Variants in ATP5F1C observed in about 807,000 individuals in gnomAD.
ATP5F1C encodes the protein ATP synthase F(1) complex subunit gamma, mitochondrial.
ATP5F1C carries 22 observed loss-of-function variants against 37.4 expected under a neutral mutation model. The observed-to-expected ratio is 0.59, with a 90% CI of 0.42 to 0.84. The LOEUF (loss-of-function observed/expected upper bound fraction) is 0.84. Among genes scored for constraint, ATP5F1C ranks in the 40% least tolerant of loss-of-function variants. The pLI is 0.00. For missense variants in ATP5F1C, 286 were observed against 362.4 expected (o/e 0.79, Z 1.71); for synonymous variants, 121 against 128.0 (o/e 0.95, Z 0.37).
intron 7 of ATP5F1C, 57 bp from the exon 8 acceptor site, chr10:7,802,701 C>T (rs1401168486): frequency 1.3e-6 from 2 of 1,525,528 alleles, no homozygotes; most frequent in African/African-American, 2.8e-5. Context: ...AGTTAGTTAA[C>T]AAGTTATTCT....
intron 6 of ATP5F1C, among the ~76,000 whole-genome samples, chr10:7,801,036 G>A (rs1375198509): frequency 2.7e-5 from 4 of 147,124 alleles, no homozygotes; most frequent in African/African-American, 1.0e-4. Flanking sequence ...GTTGAACAGT[G>A]TTCACAGCTA....
At position 7,800,517 on chromosome 10, in the gene ATP5F1C, C is replaced by T. The variant is rs1221049012; in HGVS notation, c.637+426C>T. Among the ~76,000 whole-genome samples, 15 of 131,962 alleles carry T rather than the reference C, an allele frequency of 1.1e-4. 1 individual carries two copies. The highest frequency in any genetic ancestry group is 7.3e-4 in the South Asian group (3 of 4,112). 86.6% of individuals were successfully genotyped at this position (131,962 alleles called of 152,430 possible). ...TTTTTTTATTTTTTATTTTTTGAGA[C>T]GGAGTCTCACTGTGTCACCCAGGCT... On this transcript the variant is annotated intron_variant, in intron 6 of 9. Transcript: ENST00000356708.
intron 1 of ATP5F1C, among the ~76,000 whole-genome samples, chr10:7,792,974 CTCA>C (rs1836185246): frequency 6.6e-6 from 1 of 152,216 alleles, no homozygotes; most frequent in Admixed American, 6.5e-5. Context: ...GCTCCACATC[CTCA>C]TCATCATTTG....
chr10:7,798,726 T>A (rs1353094699), intron 3 of ATP5F1C, among the ~76,000 whole-genome samples: 5 of 151,884 alleles, frequency 3.3e-5, no homozygotes, highest in Admixed American at 3.3e-4. Flanking sequence ...AGACGGGATT[T>A]CACTACGTTG....
intron 7 of ATP5F1C, 40 bp from the exon 8 acceptor site, chr10:7,802,718 G>A: frequency 6.3e-7 from 1 of 1,583,784 alleles, no homozygotes; most frequent in Non-Finnish European, 8.6e-7. Context: ...TTCTACTCTA[G>A]TTTCAGATTT....
chr10:7,791,028 G>A (rs1486586266), intron 1 of ATP5F1C, among the ~76,000 whole-genome samples: 10 of 152,188 alleles, frequency 6.6e-5, no homozygotes, highest in African/African-American at 2.4e-4. Context: ...CGGGCTAGGC[G>A]CAGTGGCTCA....
intron 8 of ATP5F1C, among the ~76,000 whole-genome samples, chr10:7,803,770 A>G (rs1028091348): frequency 1.3e-5 from 2 of 152,252 alleles, no homozygotes; most frequent in Non-Finnish European, 2.9e-5. Context: ...TTCTAATAGG[A>G]TAAGAAACAT....
At chr10:7,794,530 T>C (rs1836208788) in intron 1 of ATP5F1C, among the ~76,000 whole-genome samples, 1 of 151,678 alleles carries the variant, frequency 6.6e-6, no homozygotes, top group South Asian at 2.1e-4. Context: ...GTTGAGGAAG[T>C]TCTCTATTCC....
intron 1 of ATP5F1C, among the ~76,000 whole-genome samples, chr10:7,792,378 C>G (rs1410757307): frequency 6.6e-6 from 1 of 152,036 alleles, no homozygotes; most frequent in Non-Finnish European, 1.5e-5. Flanking sequence ...GGAGTGAGAC[C>G]CTGTCTTCAA....
intron 8 of ATP5F1C, among the ~76,000 whole-genome samples, chr10:7,806,026 C>T (rs1836473829): frequency 6.6e-6 from 1 of 152,106 alleles, no homozygotes; most frequent in Non-Finnish European, 1.5e-5. Flanking sequence ...TTTTAGGCTG[C>T]GGTGAGCTAT....
At chr10:7,800,876 A>G (rs1393619901) in intron 6 of ATP5F1C, among the ~76,000 whole-genome samples, 1 of 152,190 alleles carries the variant, frequency 6.6e-6, no homozygotes, top group African/African-American at 2.4e-5. Context: ...CTCCTGCTCT[A>G]TTCTGTCATT....
At chr10:7,795,523 T>C (rs745726775) in intron 1 of ATP5F1C, among the ~76,000 whole-genome samples, 8 of 152,244 alleles carry the variant, frequency 5.3e-5, no homozygotes, top group Non-Finnish European at 1.0e-4. Context: ...CTAAATGTTA[T>C]GTAAATGTAA....
chr10:7,802,446 G>A, intron 7 of ATP5F1C, 21 bp downstream of exon 7: 1 of 1,597,162 alleles, frequency 6.3e-7, no homozygotes, highest in Non-Finnish European at 8.5e-7. Flanking sequence ...AGTATGGACA[G>A]TGCCAGCAGG....
chr10:7,794,074 A>G (rs1836200846), intron 1 of ATP5F1C, among the ~76,000 whole-genome samples: 1 of 152,204 alleles, frequency 6.6e-6, no homozygotes, highest in Non-Finnish European at 1.5e-5. Context: ...CTGAGATTCT[A>G]ATGGATTTTT....
intron 6 of ATP5F1C, chr10:7,801,406 A>C (rs1270793642): frequency 6.6e-6 from 1 of 152,242 alleles, no homozygotes; most frequent in African/African-American, 2.4e-5. Flanking sequence ...ATGAATTTTG[A>C]AATGTACTTC....
intron 4 of ATP5F1C, chr10:7,799,509 T>G: frequency 1.8e-6 from 1 of 561,606 alleles, no homozygotes; most frequent in Non-Finnish European, 3.1e-6. Flanking sequence ...AGCCTGGAAA[T>G]GTTAGCAATA....
At chr10:7,798,031 T>G (rs891843089) in intron 3 of ATP5F1C, among the ~76,000 whole-genome samples, 9 of 152,198 alleles carry the variant, frequency 5.9e-5, no homozygotes, top group African/African-American at 2.2e-4. Flanking sequence ...TTCTCTTAAC[T>G]TTTTTATGAT....
intron 1 of ATP5F1C, among the ~76,000 whole-genome samples, 200 bp downstream of exon 1, chr10:7,788,463 C>T (rs966424397): frequency 7.9e-5 from 12 of 152,220 alleles, no homozygotes; most frequent in Non-Finnish European, 1.8e-4. Context: ...GGGCCGGGCT[C>T]CGGCGGAGCA....
intron 6 of ATP5F1C, 80 bp from the exon 7 acceptor site, chr10:7,802,190 T>G: frequency 7.0e-7 from 1 of 1,421,144 alleles, no homozygotes; most frequent in Non-Finnish European, 9.4e-7. Context: ...TATAAAGGAG[T>G]TTTACACTGA....
Sources: allele counts gnomAD v4.1 joint callset (sites outside exome capture counted in the v4.1 genomes callset), GRCh38; gene constraint gnomAD v4.1.1; transcripts MANE v1.5; gene names NCBI Gene and HGNC (gene_info 2026-07-23, HGNC 2026-07-21).